The following TC2N variants were observed in gnomAD, a reference collection of about 807,000 sequenced individuals.
The protein encoded by TC2N is tandem C2 domains, nuclear.
TC2N carries 51 observed loss-of-function variants against 61.9 expected under a neutral mutation model. The ratio of observed to expected loss-of-function variants is 0.82; its 90% CI spans 0.66 to 1.04. The LOEUF (loss-of-function observed/expected upper bound fraction) is 1.04, where lower values mean the gene tolerates loss of function less well. Among genes scored for constraint, TC2N ranks in the 50% least tolerant of loss-of-function variants. TC2N has a pLI of 0.00. For missense variants in TC2N, 556 were observed against 566.7 expected, an observed-to-expected ratio of 0.98 and a Z score of 0.19; for synonymous variants, 204 against 192.6, an observed-to-expected ratio of 1.06 and a Z score of -0.49.
chr14:91,855,153 G>C (rs1888459212), intron 1 of TC2N, among the ~76,000 whole-genome samples: 1 of 152,176 alleles, frequency 6.6e-6, no homozygotes, highest in African/African-American at 2.4e-5. Flanking sequence ...GAACGGCAGG[G>C]ATGGAGGGCT....
chr14:91,825,724 AT>A (rs2139886271), intron 1 of TC2N, among the ~76,000 whole-genome samples: 1 of 152,296 alleles, frequency 6.6e-6, no homozygotes, highest in East Asian at 1.9e-4. Flanking sequence ...ATTTGTCTGT[AT>A]TAGAAAACCT....
intron 1 of TC2N, among the ~76,000 whole-genome samples, chr14:91,831,880 G>T (rs780989171): frequency 6.6e-6 from 1 of 152,054 alleles, no homozygotes; most frequent in Non-Finnish European, 1.5e-5. Flanking sequence ...CTCAGGGAAG[G>T]TAAAGATTTG....
chr14:91,800,014 A>T (rs1421316643), intron 5 of TC2N, among the ~76,000 whole-genome samples: 1 of 152,120 alleles, frequency 6.6e-6, no homozygotes, highest in Non-Finnish European at 1.5e-5. Flanking sequence ...CACCATTTTA[A>T]ATACCAACTG....
chr14:91,795,850 T>A (rs1273986358), intron 8 of TC2N, among the ~76,000 whole-genome samples: 1 of 152,034 alleles, frequency 6.6e-6, no homozygotes, highest in Non-Finnish European at 1.5e-5. Flanking sequence ...TTTCTGAGGG[T>A]CTCACAACTA....
At chr14:91,795,190 G>A (rs1595227405) in intron 8 of TC2N, among the ~76,000 whole-genome samples, 2 of 152,178 alleles carry the variant, frequency 1.3e-5, no homozygotes, top group South Asian at 2.1e-4. Context: ...AGCAAAGAAA[G>A]TAGTTTCTGG....
intron 10 of TC2N, among the ~76,000 whole-genome samples, chr14:91,786,226 C>T (rs1885357746): frequency 6.6e-6 from 1 of 152,124 alleles, no homozygotes; most frequent in Non-Finnish European, 1.5e-5. Context: ...TCCTTGTTTC[C>T]TAGAATTAAT....
chr14:91,787,664 TA>T, intron 9 of TC2N, 37 bp from the exon 10 acceptor site: 1 of 1,281,972 alleles, frequency 7.8e-7, no homozygotes, highest in Non-Finnish European at 1.1e-6. Flanking sequence ...TAGTTAAGAA[TA>T]AAGTTTTTGA....
chr14:91,820,054 A>G (rs999037737), intron 1 of TC2N, among the ~76,000 whole-genome samples: 9 of 152,180 alleles, frequency 5.9e-5, no homozygotes, highest in South Asian at 2.1e-4. Flanking sequence ...TAATTATATC[A>G]AGAATCACAA....
At chr14:91,830,065 A>G (rs982020698) in intron 1 of TC2N, among the ~76,000 whole-genome samples, 1 of 152,204 alleles carries the variant, frequency 6.6e-6, no homozygotes, top group African/African-American at 2.4e-5. Context: ...GTGGCTGTAG[A>G]GAAACTGGAA....
At chr14:91,820,963 C>A (rs1345695293) in intron 1 of TC2N, among the ~76,000 whole-genome samples, 1 of 151,946 alleles carries the variant, frequency 6.6e-6, no homozygotes, top group East Asian at 1.9e-4. Flanking sequence ...GAGCTCAATA[C>A]TTGTGAAGAT....
intron 1 of TC2N, among the ~76,000 whole-genome samples, chr14:91,839,103 G>A (rs555037609): frequency 1.3e-5 from 2 of 152,204 alleles, no homozygotes; most frequent in East Asian, 1.9e-4. Flanking sequence ...GAGACAAATC[G>A]CATAATTCCT....
At chr14:91,835,776 C>T (rs1310438167) in intron 1 of TC2N, among the ~76,000 whole-genome samples, 1 of 152,202 alleles carries the variant, frequency 6.6e-6, no homozygotes, top group Non-Finnish European at 1.5e-5. Context: ...AGGTAAAAAC[C>T]CTCTGCGAAG....
chr14:91,818,339 T>G (rs1887097136), intron 1 of TC2N, among the ~76,000 whole-genome samples: 1 of 151,988 alleles, frequency 6.6e-6, no homozygotes, highest in Admixed American at 6.6e-5. Flanking sequence ...TTACAAAAAC[T>G]ATACATAACT....
At chr14:91,825,058 T>G (rs1165396021) in intron 1 of TC2N, among the ~76,000 whole-genome samples, 9 of 115,778 alleles carry the variant, frequency 7.8e-5, no homozygotes, top group African/African-American at 3.0e-4. Context: ...TTTTTGGAGA[T>G]GGAGTCTCGC....
intron 1 of TC2N, among the ~76,000 whole-genome samples, chr14:91,861,496 A>G (rs1888586862): frequency 6.6e-6 from 1 of 152,206 alleles, no homozygotes; most frequent in Non-Finnish European, 1.5e-5. Context: ...ACTGCCTTCC[A>G]ACTTTGGGAT....
chr14:91,780,385 C>T lies in TC2N; in HGVS notation c.*2715G>A, dbSNP rs1885037476. ...AACTTCAGTTTAGGGTCTTTTCAGA[C>T]CACAATTATATAACTTGTTCAAAAT... On this transcript the variant is annotated 3_prime_UTR_variant, in exon 12 of 12. Transcript: ENST00000435962. 2 of 152,168 alleles carry T rather than the reference C, an allele frequency of 1.3e-5. No individual in the cohort carries two copies. The highest frequency in any genetic ancestry group is 1.3e-4 in the Admixed American group (2 of 15,276). 9.4% of individuals were successfully genotyped at this position (152,168 alleles called of 1,614,324 possible). A position where few individuals can be genotyped will look rare whatever the true frequency, so the allele number is the denominator to read the frequency against.
intron 1 of TC2N, among the ~76,000 whole-genome samples, chr14:91,863,113 C>G (rs76145772): frequency 0.017 from 2,549 of 152,324 alleles, 34 homozygotes; most frequent in Non-Finnish European, 0.026. Context: ...GAAATGCCAG[C>G]CTTGGGGCGG....
intron 1 of TC2N, among the ~76,000 whole-genome samples, chr14:91,843,671 GT>G (rs1163389749): frequency 5.9e-5 from 9 of 152,290 alleles, no homozygotes; most frequent in Admixed American, 3.9e-4. Context: ...TCCCCAGGGA[GT>G]TTTAGGACGC....
intron 8 of TC2N, among the ~76,000 whole-genome samples, chr14:91,794,860 C>T (rs1298910712): frequency 6.6e-6 from 1 of 152,068 alleles, no homozygotes; most frequent in Non-Finnish European, 1.5e-5. Context: ...CTATCACTGC[C>T]ATAGATAGTG....
Sources: allele counts gnomAD v4.1 joint callset (sites outside exome capture counted in the v4.1 genomes callset), GRCh38; gene constraint gnomAD v4.1.1; transcripts MANE v1.5; gene names NCBI Gene and HGNC (gene_info 2026-07-23, HGNC 2026-07-21).